The following FGF12 variants were observed in gnomAD, a reference collection of about 807,000 sequenced individuals.
FGF12 encodes fibroblast growth factor 12B.
A neutral mutation model predicts 23.6 loss-of-function variants in FGF12; 14 were observed. The observed-to-expected ratio is 0.59, with a 90% confidence interval of 0.39 to 0.93. The LOEUF is 0.93. Among genes scored for constraint, FGF12 ranks in the 40% least tolerant of loss-of-function variants. The pLI, the probability that FGF12 is intolerant of heterozygous loss-of-function variation, is 0.00. For synonymous variants in FGF12, 62 were observed against 77.3 expected, an observed-to-expected ratio of 0.80 and a Z score of 1.04; for missense variants, 175 against 217.8, an observed-to-expected ratio of 0.80 and a Z score of 1.24.
At chr3:192,335,565 TTGG>T (rs1376647028) in intron 3 of FGF12, 101 bp from the exon 4 acceptor site, 12 of 751,590 alleles carry the variant, frequency 1.6e-5, no homozygotes, top group African/African-American at 3.6e-5. Flanking sequence ...TTAATTGAAC[TTGG>T]TAGAAAAATG....
intron 4 of FGF12, among the ~76,000 whole-genome samples, chr3:192,259,483 A>G (rs1712606564): frequency 1.3e-5 from 2 of 152,182 alleles, no homozygotes; most frequent in Non-Finnish European, 2.9e-5. Flanking sequence ...CTCCAGAAGC[A>G]TTAGATTGGA....
At chr3:192,654,434 T>C (rs1031062761) in intron 2 of FGF12, among the ~76,000 whole-genome samples, 1 of 152,140 alleles carries the variant, frequency 6.6e-6, no homozygotes, top group Non-Finnish European at 1.5e-5. Flanking sequence ...AAATAAATAA[T>C]CTCCATATCA....
At chr3:192,550,056 C>T (rs1024251590) in intron 2 of FGF12, among the ~76,000 whole-genome samples, 3 of 151,864 alleles carry the variant, frequency 2.0e-5, no homozygotes, top group Non-Finnish European at 4.4e-5. Context: ...TATATACACA[C>T]ATATATCTAT....
chr3:192,357,089 C>T (rs541467333), intron 3 of FGF12, among the ~76,000 whole-genome samples: 7 of 152,146 alleles, frequency 4.6e-5, no homozygotes, highest in South Asian at 2.1e-4. Flanking sequence ...TATGTTGTTA[C>T]GTAACATGGT....
chr3:192,611,999 G>T (rs1354168764), intron 2 of FGF12, among the ~76,000 whole-genome samples: 1 of 152,000 alleles, frequency 6.6e-6, no homozygotes, highest in East Asian at 1.9e-4. Context: ...AGTCATTGAT[G>T]AGTTCAACCC....
intron 4 of FGF12, among the ~76,000 whole-genome samples, chr3:192,199,205 A>G (rs1473065923): frequency 6.6e-6 from 1 of 152,228 alleles, no homozygotes; most frequent in Non-Finnish European, 1.5e-5. Flanking sequence ...AAAAGGGATG[A>G]GATAATCTCA....
At chr3:192,465,530 C>T (rs1722985299) in intron 2 of FGF12, among the ~76,000 whole-genome samples, 1 of 152,132 alleles carries the variant, frequency 6.6e-6, no homozygotes, top group African/African-American at 2.4e-5. Flanking sequence ...AAAGGTTGGC[C>T]CTGGGCTGGC....
At chr3:192,197,727 C>T (rs946664432) in intron 4 of FGF12, among the ~76,000 whole-genome samples, 7 of 151,996 alleles carry the variant, frequency 4.6e-5, no homozygotes, top group Non-Finnish European at 1.0e-4. Flanking sequence ...GGAAGATCAC[C>T]TGAGGTCGGG....
At chr3:192,246,916 A>AAAAG (rs1272171560) in intron 4 of FGF12, among the ~76,000 whole-genome samples, 37 of 117,060 alleles carry the variant, frequency 3.2e-4, no homozygotes, top group African/African-American at 1.0e-3. Flanking sequence ...AAGAAAGAGA[A>AAAAG]AAAGAAAGAA....
intron 4 of FGF12, among the ~76,000 whole-genome samples, chr3:192,295,392 C>T (rs1044823212): frequency 1.3e-5 from 2 of 152,178 alleles, no homozygotes; most frequent in African/African-American, 4.8e-5. Flanking sequence ...TCTCCTTATG[C>T]CTCACCTAAC....
chr3:192,378,326 G>T (rs1029245016), intron 2 of FGF12, among the ~76,000 whole-genome samples: 2 of 149,642 alleles, frequency 1.3e-5, no homozygotes, highest in Admixed American at 6.6e-5. Flanking sequence ...GCCCAGGCTG[G>T]TCTTGAACTC....
At chr3:192,556,232 T>C (rs1035695517) in intron 2 of FGF12, among the ~76,000 whole-genome samples, 2 of 152,176 alleles carry the variant, frequency 1.3e-5, no homozygotes, top group Non-Finnish European at 2.9e-5. Flanking sequence ...AGTGGCTGAA[T>C]GTTTGTTTTT....
At chr3:192,400,096 C>T (rs1480523891) in intron 2 of FGF12, among the ~76,000 whole-genome samples, 1 of 152,206 alleles carries the variant, frequency 6.6e-6, no homozygotes, top group Non-Finnish European at 1.5e-5. Context: ...GCAAAACCAT[C>T]AGTCCAAGTT....
At chr3:192,500,638 T>G (rs1266594334) in intron 2 of FGF12, among the ~76,000 whole-genome samples, 1 of 152,212 alleles carries the variant, frequency 6.6e-6, no homozygotes, top group Admixed American at 6.5e-5. Context: ...TTAACATGAA[T>G]GTAAGAAATC....
intron 1 of FGF12, 45 bp downstream of exon 1, chr3:192,727,439 A>C: frequency 1.9e-6 from 2 of 1,066,192 alleles, no homozygotes; most frequent in Middle Eastern, 3.0e-4. Flanking sequence ...TGATACTGAA[A>C]TGCATGCACA....
chr3:192,337,275 A>G (rs1246762291), intron 3 of FGF12, among the ~76,000 whole-genome samples: 2 of 152,198 alleles, frequency 1.3e-5, no homozygotes, highest in African/African-American at 2.4e-5. Flanking sequence ...TATTCATGGA[A>G]TGCCTTACAC....
intron 2 of FGF12, among the ~76,000 whole-genome samples, chr3:192,557,713 TATTTATTACCAGGTGGTAAC>T (rs1241026728): frequency 8.6e-5 from 13 of 151,982 alleles, no homozygotes; most frequent in African/African-American, 3.1e-4. Context: ...AAGAATCATG[TATTTATTACCAGGTGGTAAC>T]ATATATTCCT....
chr3:192,294,871 C>A (rs922892168), intron 4 of FGF12, among the ~76,000 whole-genome samples: 1 of 152,044 alleles, frequency 6.6e-6, no homozygotes, highest in Admixed American at 6.6e-5. Flanking sequence ...AAGAGGGCTC[C>A]CTTGAGTATA....
At chr3:192,301,665 G>T (rs1373518927) in intron 4 of FGF12, among the ~76,000 whole-genome samples, 1 of 152,158 alleles carries the variant, frequency 6.6e-6, no homozygotes, top group Non-Finnish European at 1.5e-5. Flanking sequence ...GCACAAATTG[G>T]CCAGGCAGAG....
Sources: allele counts gnomAD v4.1 joint callset (sites outside exome capture counted in the v4.1 genomes callset), GRCh38; gene constraint gnomAD v4.1.1; transcripts MANE v1.5; gene names NCBI Gene and HGNC (gene_info 2026-07-23, HGNC 2026-07-21).